Variants in RGS14 observed in about 807,000 individuals in gnomAD.
RGS14 encodes the protein regulator of G protein signaling 14.
RGS14 carries 33 observed loss-of-function variants against 63.8 expected under a neutral mutation model. That is an observed-to-expected ratio of 0.52 (90% CI 0.39 to 0.69). The LOEUF (loss-of-function observed/expected upper bound fraction) is 0.69. RGS14 is among the 30% of genes least tolerant of loss of function. The probability of loss-of-function intolerance (pLI) is 0.00; values close to 1 mark genes in which losing one functional copy is unlikely to be tolerated. For missense variants in RGS14, 739 were observed against 742.9 expected, an observed-to-expected ratio of 0.99 and a Z score of 0.06; for synonymous variants, 296 against 320.9, an observed-to-expected ratio of 0.92 and a Z score of 0.83.
At chr5:177,366,632 T>A in intron 3 of RGS14, 76 bp from the exon 4 acceptor site, 1 of 1,421,436 alleles carries the variant, frequency 7.0e-7, no homozygotes, top group Non-Finnish European at 9.9e-7. Context: ...TCTGTCCCAA[T>A]CTTTTTGATC....
Position 177,371,125 on chromosome 5 carries a change from G to T in RGS14, c.1255-40G>T. 6.5e-7 allele frequency: 1 copy of T among 1,547,756 alleles called. No individual in the cohort carries two copies. Among genetic ancestry groups the T allele is most frequent in the Non-Finnish European group, 8.7e-7 (1 of 1,144,046 alleles). On this transcript the variant is annotated intron_variant, in intron 11 of 14. Transcript: ENST00000408923. The surrounding 1 kb of genome is among the most constrained non-coding windows in gnomAD (Gnocchi z 6.1). Reference sequence around the variant, plus strand: ...GGGCCGGGGCCGGGGCCGGGGCCGGGCGGAGGCCTGTACCGCGGGCTGCTG... The same window carrying T: ...GGGCCGGGGCCGGGGCCGGGGCCGGTCGGAGGCCTGTACCGCGGGCTGCTG...
intron 1 of RGS14, among the ~76,000 whole-genome samples, chr5:177,363,930 T>G (rs981648991): frequency 3.3e-5 from 5 of 152,198 alleles, no homozygotes; most frequent in African/African-American, 1.2e-4. Flanking sequence ...AAGGTTGTCC[T>G]GCTGGGAAGG....
rs574399766 is a variant in RGS14, at chr5:177,359,687, ACT to A, written c.45+1623_45+1624del. 5.3e-5 allele frequency among the ~76,000 whole-genome samples: 8 copies of A among 151,930 alleles called. No individual in the cohort carries two copies. Among genetic ancestry groups the A allele is most frequent in the Non-Finnish European group, 1.2e-4 (8 of 67,954 alleles). On this transcript the variant is annotated intron_variant, in intron 1 of 14. Coordinates refer to ENST00000408923, the MANE Select transcript of RGS14 (RefSeq NM_006480.5). This position sits in a 1 kb window ranked among gnomAD's most constrained non-coding sequence, Gnocchi z 4.4. ...TTTGCCCTTCCTGGGCCTGTTCCAA[ACT>A]CTCTGTGCCACCTCTTAGAATCCCG...
Position 177,365,558 on chromosome 5 carries a change from G to A in RGS14, c.46-405G>A, listed in dbSNP as rs113887866. ...CTTTACATCAAGATGGAAGCAAATG[G>A]TTTGCCTCCATTTGTAAATAGGCAT... is the stretch of plus-strand genomic sequence containing the variant. On this transcript the variant is annotated intron_variant, in intron 1 of 14. Coordinates refer to ENST00000408923, the MANE Select transcript of RGS14 (RefSeq NM_006480.5). Among the ~76,000 whole-genome samples the A allele has an allele frequency of 1.3e-3, 195 of 152,242 alleles. 3 individuals are homozygous for A. The highest frequency in any genetic ancestry group is 4.5e-3 in the African/African-American group (187 of 41,520).
Position 177,371,096 on chromosome 5 carries a change from GC to G in RGS14, c.1254+67del, listed in dbSNP as rs532680790. On this transcript the variant is annotated intron_variant, in intron 11 of 14. Coordinates refer to ENST00000408923, the MANE Select transcript of RGS14 (RefSeq NM_006480.5). This position sits in a 1 kb window ranked among gnomAD's most constrained non-coding sequence, Gnocchi z 6.1. ...GGCCGGGGCCGGGGCCGGGGCCGGG[GC>G]CGGGGCCGGGGCCGGGGCCGGGGCC... The G allele has an allele frequency of 7.4e-5, 62 of 841,744 alleles. No individual in the cohort carries two copies. The African/African-American group carries it at 1.2e-3, about 17-fold the overall frequency. 52.1% of individuals were successfully genotyped at this position (841,744 alleles called of 1,614,324 possible). A position where few individuals can be genotyped will look rare whatever the true frequency, so the allele number is the denominator to read the frequency against.
At chr5:177,360,826 T>C in intron 1 of RGS14, among the ~76,000 whole-genome samples, 1 of 152,122 alleles carries the variant, frequency 6.6e-6, no homozygotes, top group Admixed American at 6.5e-5. Flanking sequence ...GGCAGGAGAA[T>C]TGCTTGAACC....
Position 177,366,246 on chromosome 5 carries a change from TC to T in RGS14, c.141del (p.Ser48ValfsTer38). The T allele has an allele frequency of 6.3e-7, 1 of 1,588,250 alleles. No homozygotes were observed. Among genetic ancestry groups the T allele is most frequent in the Non-Finnish European group, 8.6e-7 (1 of 1,168,450 alleles). ...GGCAGCTCTCTCAGCATCCACAGCC[TC>T]CCCAGTGGTCCCAGCAGCCCCTTCC... Reference protein sequence around the residue: ...GRGSSLSIHSLPSGPSSPFPT... With the variant: ...GRGSSLSIHSXPSGPSSPFPT... On this transcript the variant is annotated frameshift_variant, in exon 3 of 15. Transcript: ENST00000408923. LOFTEE classifies it high-confidence loss of function.
intron 1 of RGS14, among the ~76,000 whole-genome samples, chr5:177,362,109 G>T (rs1047170600): frequency 6.6e-6 from 1 of 152,212 alleles, no homozygotes; most frequent in African/African-American, 2.4e-5. Flanking sequence ...GAAATTGGGA[G>T]TGCTGAGCCC....
At position 177,359,473 on chromosome 5, in the gene RGS14, G is replaced by C. The variant is rs1761909778; in HGVS notation, c.45+1404G>C. ...CAACTGGATTGATGCTTCTGGGACA[G>C]TGCCTAGAACTACAGGGCAGCAGAG... is the stretch of plus-strand genomic sequence containing the variant. On this transcript the variant is annotated intron_variant, in intron 1 of 14. Transcript: ENST00000408923. The surrounding 1 kb of genome is among the most constrained non-coding windows in gnomAD (Gnocchi z 4.4). Among the ~76,000 whole-genome samples the C allele has an allele frequency of 1.3e-5, 2 of 152,182 alleles. No individual in the cohort carries two copies. Among genetic ancestry groups the C allele is most frequent in the South Asian group, 4.1e-4 (2 of 4,832 alleles).
At chr5:177,361,189 CA>C (rs2127325987) in intron 1 of RGS14, among the ~76,000 whole-genome samples, 1 of 152,312 alleles carries the variant, frequency 6.6e-6, no homozygotes, top group African/African-American at 2.4e-5. Context: ...TGGCCTTATA[CA>C]GGGGCAAGGC....
At position 177,372,150 on chromosome 5, in the gene RGS14, C is replaced by A; in HGVS notation, c.*75C>A. The A allele has an allele frequency of 7.2e-7, 1 of 1,396,120 alleles. No homozygotes were observed. The allele number at this position is 1,396,120 out of a possible 1,614,324, so 86.5% of individuals were successfully genotyped here. A position where few individuals can be genotyped will look rare whatever the true frequency, so the allele number is the denominator to read the frequency against. ...ATGCCATGGGTCCGCTCTGCATGCC[C>A]TGTCTGTGCCATGAGTGTCCCTGGC... On this transcript the variant is annotated 3_prime_UTR_variant, in exon 15 of 15. Coordinates refer to ENST00000408923, the MANE Select transcript of RGS14 (RefSeq NM_006480.5).
rs553518571 is a variant in RGS14, at chr5:177,358,431, G to A, written c.45+362G>A. 3.3e-5 allele frequency among the ~76,000 whole-genome samples: 5 copies of A among 152,110 alleles called. No homozygotes were observed. The highest frequency in any genetic ancestry group is 2.1e-4 in the South Asian group (1 of 4,814). The stretch of plus-strand genomic sequence containing the variant: ...ACAGTGGCTCAAGCCCCTACATCCC[G>A]CTCAGCCTGAGTCCTCCCCTCCTCA... On this transcript the variant is annotated intron_variant, in intron 1 of 14. Coordinates refer to ENST00000408923, the MANE Select transcript of RGS14 (RefSeq NM_006480.5). This position sits in a 1 kb window ranked among gnomAD's most constrained non-coding sequence, Gnocchi z 4.8.
intron 5 of RGS14, 182 bp downstream of exon 5, chr5:177,367,216 C>T: frequency 9.3e-7 from 1 of 1,077,366 alleles, no homozygotes; most frequent in Non-Finnish European, 1.3e-6. Flanking sequence ...CGGGGAAGGA[C>T]AGTTAGAGGC....
intron 9 of RGS14, among the ~76,000 whole-genome samples, chr5:177,370,220 C>T (rs1762204051): frequency 6.6e-6 from 1 of 152,208 alleles, no homozygotes; most frequent in Admixed American, 6.5e-5. Context: ...GGATTTCACA[C>T]ACCTGAGGGA....
Position 177,358,964 on chromosome 5 carries a change from G to A in RGS14, c.45+895G>A, listed in dbSNP as rs981865931. 2.6e-5 allele frequency among the ~76,000 whole-genome samples: 4 copies of A among 152,152 alleles called. No individual in the cohort carries two copies. Among genetic ancestry groups the A allele is most frequent in the African/African-American group, 4.8e-5 (2 of 41,438 alleles). On this transcript the variant is annotated intron_variant, in intron 1 of 14. Transcript: ENST00000408923. This position sits in a 1 kb window ranked among gnomAD's most constrained non-coding sequence, Gnocchi z 4.8. ...CTCTCTTACTGGAGGGAGGGTCCTCGCCAGCTCTCAGTTTCCTCATCCCTA... is the reference window on the plus strand; with the variant it reads ...CTCTCTTACTGGAGGGAGGGTCCTCACCAGCTCTCAGTTTCCTCATCCCTA...
intron 1 of RGS14, among the ~76,000 whole-genome samples, chr5:177,360,248 G>A (rs1385651134): frequency 6.6e-6 from 1 of 152,104 alleles, no homozygotes; most frequent in Non-Finnish European, 1.5e-5. Flanking sequence ...ATCAGCCCTA[G>A]TCCCTGCCCC....
intron 3 of RGS14, 92 bp from the exon 4 acceptor site, chr5:177,366,616 C>A: frequency 7.8e-7 from 1 of 1,276,382 alleles, no homozygotes; most frequent in Non-Finnish European, 1.1e-6. Context: ...GTCTCTTGGC[C>A]CTGTCTCTGT....
Position 177,367,836 on chromosome 5 carries a change from G to C in RGS14, c.739+11G>C, listed in dbSNP as rs1213633244. 1 of 1,570,626 alleles carries C rather than the reference G, an allele frequency of 6.4e-7. No homozygotes were observed. Among genetic ancestry groups the C allele is most frequent in the Non-Finnish European group, 8.6e-7 (1 of 1,159,868 alleles). ...AGTCCTTCCGCCGGGGTGAGGGCAG[G>C]AGCGAGCAACAGAGATGTGGGGAAG... On this transcript the variant is annotated intron_variant, in intron 7 of 14. Coordinates refer to ENST00000408923, the MANE Select transcript of RGS14 (RefSeq NM_006480.5).
chr5:177,370,797 C>T, intron 10 of RGS14, 108 bp from the exon 11 acceptor site: 1 of 1,522,314 alleles, frequency 6.6e-7, no homozygotes, highest in Non-Finnish European at 8.9e-7. Context: ...CCCCTACAAG[C>T]CAGTCCCACC....
Sources: allele counts gnomAD v4.1 joint callset (sites outside exome capture counted in the v4.1 genomes callset), GRCh38; gene constraint gnomAD v4.1.1; non-coding constraint Gnocchi (gnomAD v3.1); transcripts MANE v1.5; gene names NCBI Gene and HGNC (gene_info 2026-07-23, HGNC 2026-07-21).